The following ATP9B variants were observed in gnomAD, a reference collection of about 807,000 sequenced individuals.
ATP9B encodes the protein probable phospholipid-transporting ATPase IIB.
ATP9B carries 110 observed loss-of-function variants against 146.1 expected under a neutral mutation model. The observed-to-expected ratio is 0.75, with a 90% CI of 0.65 to 0.88. The LOEUF is 0.88. ATP9B is among the 40% of genes least tolerant of loss of function. ATP9B has a pLI of 0.00. For missense variants in ATP9B, 1,499 were observed against 1,496.4 expected, an observed-to-expected ratio of 1.00 and a Z score of -0.03; for synonymous variants, 604 against 569.7, an observed-to-expected ratio of 1.06 and a Z score of -0.86.
chr18:79,256,070 T>TA (rs1446167509), intron 12 of ATP9B, among the ~76,000 whole-genome samples: 4 of 151,492 alleles, frequency 2.6e-5, no homozygotes, highest in African/African-American at 4.8e-5. Context: ...AAAATATATA[T>TA]TTTTTTACAT....
intron 12 of ATP9B, among the ~76,000 whole-genome samples, chr18:79,264,802 A>G (rs961746770): frequency 6.6e-6 from 1 of 152,156 alleles, no homozygotes; most frequent in African/African-American, 2.4e-5. Flanking sequence ...CCATGTACCA[A>G]GCATTTGTAT....
intron 25 of ATP9B, among the ~76,000 whole-genome samples, chr18:79,350,722 A>G (rs539946347): frequency 1.3e-5 from 2 of 151,890 alleles, no homozygotes; most frequent in Non-Finnish European, 2.9e-5. Context: ...CGCTTTTTAA[A>G]TAAGTTTTCC....
At chr18:79,110,231 G>A (rs1041126296) in intron 2 of ATP9B, 124 bp from the exon 3 acceptor site, 2 of 844,522 alleles carry the variant, frequency 2.4e-6, no homozygotes, top group Admixed American at 7.8e-5. Flanking sequence ...ATTAGCATTA[G>A]GTGTGCTATT....
chr18:79,339,162 G>C (rs997173709), intron 19 of ATP9B, among the ~76,000 whole-genome samples: 3 of 151,822 alleles, frequency 2.0e-5, no homozygotes, highest in African/African-American at 7.3e-5. Context: ...AGTAGGAAGT[G>C]TGTCATGGTC....
At position 79,346,115 on chromosome 18, in the gene ATP9B, C is replaced by T. The variant is rs544555515; in HGVS notation, c.2682+276C>T. ...ACACACTCGGCACACGGTCATCACA[C>T]GTCAGCTTGTGCCCAGCGCACAGTC... is the stretch of plus-strand genomic sequence containing the variant. On this transcript the variant is annotated intron_variant, in intron 23 of 29. Transcript: ENST00000426216. Among the ~76,000 whole-genome samples, 11 of 149,418 alleles carry T rather than the reference C, an allele frequency of 7.4e-5. 1 individual carries two copies. The East Asian group carries it at 1.2e-3, about 17-fold the overall frequency.
intron 1 of ATP9B, among the ~76,000 whole-genome samples, chr18:79,072,556 C>T (rs993515786): frequency 6.9e-6 from 1 of 144,706 alleles, no homozygotes; most frequent in Non-Finnish European, 1.6e-5. Context: ...CTTCTTTCTA[C>T]ACAGACACAG....
chr18:79,344,361 C>CTGGA lies in ATP9B; in HGVS notation c.2472+8_2472+11dup. 20 of 1,613,508 alleles carry CTGGA rather than the reference C, an allele frequency of 1.2e-5. No homozygotes were observed. The highest frequency in any genetic ancestry group is 1.7e-5 in the Non-Finnish European group (20 of 1,179,584). ...ATCTGGGGACTCTCTGGAGGTAAGG[C>CTGGA]TGGACCCTGAGTGAGTACATGTCTG... On this transcript the variant is annotated splice_region_variant and intron_variant, in intron 21 of 29. Transcript: ENST00000426216.
At chr18:79,286,134 G>C (rs2096438172) in intron 13 of ATP9B, among the ~76,000 whole-genome samples, 1 of 149,906 alleles carries the variant, frequency 6.7e-6, no homozygotes, top group South Asian at 2.1e-4. Context: ...CTTTAAAGTA[G>C]TTTTTTCCAA....
chr18:79,214,885 C>T (rs752984148), intron 11 of ATP9B, among the ~76,000 whole-genome samples: 1 of 152,162 alleles, frequency 6.6e-6, no homozygotes, highest in Admixed American at 6.5e-5. Flanking sequence ...TGGTGGCTCA[C>T]GCCTCTAATT....
chr18:79,288,701 T>G (rs1226520546), intron 13 of ATP9B, among the ~76,000 whole-genome samples: 1 of 152,250 alleles, frequency 6.6e-6, no homozygotes, highest in Non-Finnish European at 1.5e-5. Context: ...TGCAGTTTCT[T>G]CGTAGACTTG....
At chr18:79,306,909 A>G (rs2096622926) in intron 14 of ATP9B, 77 bp from the exon 15 acceptor site, 18 of 1,501,388 alleles carry the variant, frequency 1.2e-5, no homozygotes, top group Non-Finnish European at 1.6e-5. Flanking sequence ...TAAAAATCAT[A>G]TATGTTAATA....
chr18:79,152,317 T>C (rs1356999423), intron 6 of ATP9B, among the ~76,000 whole-genome samples: 2 of 152,218 alleles, frequency 1.3e-5, no homozygotes, highest in Admixed American at 1.3e-4. Flanking sequence ...TGTGTGTCTG[T>C]CTTTTATATG....
chr18:79,311,016 G>C (rs761498022), intron 15 of ATP9B, among the ~76,000 whole-genome samples: 1 of 152,128 alleles, frequency 6.6e-6, no homozygotes, highest in African/African-American at 2.4e-5. Context: ...GCCAGGTGTG[G>C]TGGCAGGCTC....
chr18:79,339,130 T>C (rs1008142462), intron 19 of ATP9B, among the ~76,000 whole-genome samples: 4 of 144,582 alleles, frequency 2.8e-5, no homozygotes, highest in African/African-American at 1.0e-4. Flanking sequence ...CATGATCGAA[T>C]TAGGAAATGT....
At chr18:79,146,739 T>G in intron 6 of ATP9B, 1 of 163,486 alleles carries the variant, frequency 6.1e-6, no homozygotes, top group South Asian at 1.5e-4. Context: ...GTTAAGGGAG[T>G]TCGTTCCTAA....
chr18:79,285,276 G>C (rs2096425473), intron 13 of ATP9B, among the ~76,000 whole-genome samples: 1 of 151,850 alleles, frequency 6.6e-6, no homozygotes, highest in East Asian at 1.9e-4. Flanking sequence ...ATCCTCTCCA[G>C]CACCTGTTGT....
Position 79,308,908 on chromosome 18 carries a change from C to T in ATP9B, c.1773+1674C>T, listed in dbSNP as rs867024838. The stretch of plus-strand genomic sequence containing the variant: ...TCAGGGGCTGAGGAGTGATCCCCAG[C>T]AGGTAGAAGGTCAGGGGTGGAGGAG... On this transcript the variant is annotated intron_variant, in intron 15 of 29. Transcript: ENST00000426216. 1.3e-4 allele frequency among the ~76,000 whole-genome samples: 14 copies of T among 104,234 alleles called. No individual in the cohort carries two copies. The South Asian group carries it at 5.0e-3, about 37-fold the overall frequency. 68.4% of individuals were successfully genotyped at this position (104,234 alleles called of 152,430 possible).
chr18:79,097,621 C>T (rs1220134100), intron 2 of ATP9B, among the ~76,000 whole-genome samples: 10 of 131,484 alleles, frequency 7.6e-5, no homozygotes, highest in Non-Finnish European at 1.1e-4. Flanking sequence ...TGAGAATATG[C>T]GGTATTTGGT....
chr18:79,091,305 C>G (rs1410601129), intron 1 of ATP9B, among the ~76,000 whole-genome samples: 3 of 152,116 alleles, frequency 2.0e-5, no homozygotes, highest in African/African-American at 7.2e-5. Context: ...ATTGTTTTTT[C>G]TATTTCTGTG....
Sources: gnomAD v4.1 joint callset for allele counts (sites outside exome capture counted in the v4.1 genomes callset) on GRCh38, gnomAD v4.1.1 for gene constraint, MANE v1.5 for transcripts, NCBI Gene and HGNC (gene_info 2026-07-23, HGNC 2026-07-21) for gene names.